SLC9A3: variants seen among roughly 807,000 people sequenced by gnomAD.
The protein encoded by SLC9A3 is solute carrier family 9 member A3.
Under a neutral mutation model 86.8 loss-of-function variants are expected in SLC9A3, and 37 were observed. That is an observed-to-expected ratio of 0.43 (90% CI 0.33 to 0.56). The LOEUF (loss-of-function observed/expected upper bound fraction) is 0.56, where lower values mean the gene tolerates loss of function less well. Among genes scored for constraint, SLC9A3 ranks in the 20% least tolerant of loss-of-function variants. SLC9A3 has a pLI of 0.06. For synonymous variants in SLC9A3, 581 were observed against 528.3 expected (o/e 1.10, Z -1.37); for missense variants, 1,011 against 1,171.9 (o/e 0.86, Z 2.00).
At chr5:499,315 G>A (rs1422210839) in intron 1 of SLC9A3, among the ~76,000 whole-genome samples, 1 of 152,262 alleles carries the variant, frequency 6.6e-6, no homozygotes, top group African/African-American at 2.4e-5. Flanking sequence ...GCCCTGCAGG[G>A]TCCAGTTCCT....
At chr5:488,064 C>T (rs191387378) in intron 3 of SLC9A3, among the ~76,000 whole-genome samples, 36 of 152,360 alleles carry the variant, frequency 2.4e-4, no homozygotes, top group African/African-American at 7.7e-4. Flanking sequence ...ATTTCAACAG[C>T]GCCATCATTA....
At position 476,238 on chromosome 5, in the gene SLC9A3, C is replaced by A. The variant is rs2230437; in HGVS notation, c.2031G>T (p.Ala677=). The A allele has an allele frequency of 1.2e-6, 2 of 1,613,714 alleles. No individual in the cohort carries two copies. The highest frequency in any genetic ancestry group is 2.2e-5 in the South Asian group (2 of 91,082). The part of the protein sequence containing the change: ...TKLGLNQNKK[A]AKLYKRERAQ... ...CACGCTCCCGCTTGTACAGCTTGGCCGCCTTCTTGTTCTGGTTGAGCCCCA... is the reference window on the plus strand; with the variant it reads ...CACGCTCCCGCTTGTACAGCTTGGCAGCCTTCTTGTTCTGGTTGAGCCCCA... Residue 677 remains alanine (A), a synonymous_variant, in exon 13 of 17, where the codon GCG becomes GCT. Coordinates refer to ENST00000264938, the MANE Select transcript of SLC9A3 (RefSeq NM_004174.4).
At chr5:477,477 G>C in intron 10 of SLC9A3, 33 bp from the exon 11 acceptor site, 1 of 1,512,116 alleles carries the variant, frequency 6.6e-7, no homozygotes, top group Non-Finnish European at 9.1e-7. Context: ...TCAGTGGCCT[G>C]AGCAGCCAAG....
At chr5:507,314 C>A (rs1353296184) in intron 1 of SLC9A3, among the ~76,000 whole-genome samples, 1 of 145,242 alleles carries the variant, frequency 6.9e-6, no homozygotes, top group Non-Finnish European at 1.5e-5. Flanking sequence ...ACTACAGGCG[C>A]CCGCCACCAC....
At chr5:501,294 G>A (rs982843588) in intron 1 of SLC9A3, among the ~76,000 whole-genome samples, 2 of 152,160 alleles carry the variant, frequency 1.3e-5, no homozygotes, top group Admixed American at 6.5e-5. Context: ...CAGGGCCTCC[G>A]CCACCTCCAA....
At chr5:494,926 G>T (rs543506577) in intron 1 of SLC9A3, among the ~76,000 whole-genome samples, 3 of 152,146 alleles carry the variant, frequency 2.0e-5, no homozygotes, top group Non-Finnish European at 4.4e-5. Context: ...AGGGGTAATC[G>T]GCTCACCTGT....
Position 489,799 on chromosome 5 carries a change from C to T in SLC9A3, c.515-1323G>A, listed in dbSNP as rs372381227. On this transcript the variant is annotated intron_variant, in intron 2 of 16. Transcript: ENST00000264938. ...CCCCCATGGATGTCCTGGGGTCGGC[C>T]GCGTTCAGACTCCCCGGCCGGCAGC... Among the ~76,000 whole-genome samples the T allele has an allele frequency of 2.6e-5, 4 of 152,254 alleles. No individual in the cohort carries two copies. The East Asian group carries it at 5.8e-4, about 22-fold the overall frequency.
chr5:479,808 G>C (rs778245117), intron 10 of SLC9A3, 28 bp downstream of exon 10: 4 of 1,610,892 alleles, frequency 2.5e-6, no homozygotes, highest in South Asian at 2.2e-5. Context: ...CTGCAGCCCC[G>C]ACCCGGCAGA....
chr5:476,642 G>A lies in SLC9A3; in HGVS notation c.1791C>T (p.Asp597=). 2 of 1,607,838 alleles carry A rather than the reference G, an allele frequency of 1.2e-6. No individual in the cohort carries two copies. The highest frequency in any genetic ancestry group is 1.7e-6 in the Non-Finnish European group (2 of 1,179,878). Residue 597 remains aspartate (D), a synonymous_variant, in exon 12 of 17, where the codon GAC becomes GAT. Transcript: ENST00000264938. The part of the protein sequence containing the change: ...LRENVSAVCL[D]MQSLEQRRRS... ...GCCGTCGCTGCTCCAGAGACTGCATGTCCAGGCAGACAGCGCTGACATTTT... is the reference window on the plus strand; with the variant it reads ...GCCGTCGCTGCTCCAGAGACTGCATATCCAGGCAGACAGCGCTGACATTTT...
chr5:488,887 C>T (rs56166334), intron 2 of SLC9A3, among the ~76,000 whole-genome samples: 67,729 of 151,518 alleles, frequency 0.45, 15,572 homozygotes, highest in Middle Eastern at 0.53. Context: ...CCCAGGGGCG[C>T]GGCCAGGGAG....
intron 3 of SLC9A3, 142 bp downstream of exon 3, chr5:488,174 G>T: frequency 1.2e-6 from 1 of 837,364 alleles, no homozygotes; most frequent in Non-Finnish European, 1.9e-6. Flanking sequence ...GGAGGAAGGA[G>T]GTGGAGGGAC....
At chr5:507,962 C>T (rs1252478660) in intron 1 of SLC9A3, among the ~76,000 whole-genome samples, 6 of 148,450 alleles carry the variant, frequency 4.0e-5, no homozygotes, top group African/African-American at 1.3e-4. Flanking sequence ...GCCCGAATCC[C>T]CACCCCACAG....
At position 492,025 on chromosome 5, in the gene SLC9A3, G is replaced by T; in HGVS notation, c.258C>A (p.Ala86=). Residue 86 remains alanine, a synonymous_variant, in exon 2 of 17, where the codon GCC becomes GCA. Coordinates refer to ENST00000264938, the MANE Select transcript of SLC9A3 (RefSeq NM_004174.4). The stretch of plus-strand genomic sequence containing the variant: ...GCACCAGGCCCAGCACGATGAGCAG[G>T]GCGCTCTCGGGAACCACGCTGGTGA... The part of the protein sequence containing the change: ...HKVTSVVPES[A]LLIVLGLVLG... 6.4e-7 allele frequency: 1 copy of T among 1,574,576 alleles called. No homozygotes were observed. The highest frequency in any genetic ancestry group is 1.2e-5 in the South Asian group (1 of 86,354).
chr5:507,203 C>G (rs1208939343), intron 1 of SLC9A3, among the ~76,000 whole-genome samples: 1 of 11,658 alleles, frequency 8.6e-5, no homozygotes, highest in East Asian at 1.3e-3. Flanking sequence ...GAGTCTGGCT[C>G]TGTTGCCCAG....
At position 496,072 on chromosome 5, in the gene SLC9A3, T is replaced by C. The variant is rs546359104; in HGVS notation, c.212-4001A>G. Among the ~76,000 whole-genome samples, 1 of 152,354 alleles carries C rather than the reference T, an allele frequency of 6.6e-6. No homozygotes were observed. The highest frequency in any genetic ancestry group is 2.4e-5 in the African/African-American group (1 of 41,570). On this transcript the variant is annotated intron_variant, in intron 1 of 16. Transcript: ENST00000264938. The surrounding 1 kb of genome is among the most constrained non-coding windows in gnomAD (Gnocchi z 4.7). ...AACACTCCTGCTCAGAAGTAAGCCC[T>C]TAAAATCCACAGAAAACATCCTCTG...
intron 6 of SLC9A3, 51 bp from the exon 7 acceptor site, chr5:482,801 G>T: frequency 6.9e-7 from 1 of 1,452,026 alleles, no homozygotes; most frequent in Non-Finnish European, 9.4e-7. Context: ...TCCCAGCCGC[G>T]GGACCCCAGC....
At chr5:474,172 GA>G (rs1738566635) in intron 16 of SLC9A3, among the ~76,000 whole-genome samples, 1 of 136,864 alleles carries the variant, frequency 7.3e-6, no homozygotes, top group Admixed American at 7.0e-5. Flanking sequence ...AGGAGCTGCG[GA>G]GAGGGGTTAG....
rs760479056 is a variant in SLC9A3 at position 471,909 on chromosome 5, C to A, written c.*1470G>T. ...CAATGGGGACTCAATGTGCAATATTCAGTCAACATAAAACTCTTTAAGAAC... is the reference window on the plus strand; with the variant it reads ...CAATGGGGACTCAATGTGCAATATTAAGTCAACATAAAACTCTTTAAGAAC... On this transcript the variant is annotated 3_prime_UTR_variant, in exon 17 of 17. Transcript: ENST00000264938. 2.2e-6 allele frequency: 1 copy of A among 456,564 alleles called. No homozygotes were observed. The highest frequency in any genetic ancestry group is 4.4e-6 in the Non-Finnish European group (1 of 226,990). The allele number at this position is 456,564 out of a possible 1,614,324, so 28.3% of individuals were successfully genotyped here. A position where few individuals can be genotyped will look rare whatever the true frequency, so the allele number is the denominator to read the frequency against.
At chr5:494,207 C>T (rs1367984795) in intron 1 of SLC9A3, among the ~76,000 whole-genome samples, 4 of 152,226 alleles carry the variant, frequency 2.6e-5, no homozygotes, top group Non-Finnish European at 2.9e-5. Context: ...ACGCGTGCCC[C>T]GACAGCCCCG....
Sources: gnomAD v4.1 joint callset for allele counts (sites outside exome capture counted in the v4.1 genomes callset) on GRCh38, gnomAD v4.1.1 for gene constraint, Gnocchi (gnomAD v3.1) non-coding constraint, MANE v1.5 for transcripts, NCBI Gene and HGNC (gene_info 2026-07-23, HGNC 2026-07-21) for gene names.